Variants in C8orf34 observed in about 807,000 individuals in gnomAD.
C8orf34 encodes chromosome 8 open reading frame 34.
A neutral mutation model predicts 68.3 loss-of-function variants in C8orf34; 65 were observed. The ratio of observed to expected loss-of-function variants is 0.95; its 90% CI spans 0.78 to 1.17. C8orf34 has a LOEUF of 1.17. Among genes scored for constraint, C8orf34 ranks in the 50% most tolerant of loss-of-function variants. The pLI, the probability that C8orf34 is intolerant of heterozygous loss-of-function variation, is 0.00. For synonymous variants in C8orf34, 244 were observed against 241.2 expected, an observed-to-expected ratio of 1.01 and a Z score of -0.11; for missense variants, 664 against 655.4, an observed-to-expected ratio of 1.01 and a Z score of -0.14.
chr8:68,432,597 A>T (rs1408026352), intron 1 of C8orf34, among the ~76,000 whole-genome samples: 1 of 152,106 alleles, frequency 6.6e-6, no homozygotes, highest in Admixed American at 6.6e-5. Context: ...TGATATTTTA[A>T]ATCATTACTA....
intron 7 of C8orf34, among the ~76,000 whole-genome samples, chr8:68,609,994 G>A (rs80229419): frequency 0.01 from 1,536 of 152,278 alleles, 24 homozygotes; most frequent in African/African-American, 0.034. Context: ...GATAAGGGCT[G>A]AGGCTGAGCA....
intron 10 of C8orf34, among the ~76,000 whole-genome samples, chr8:68,745,893 C>T (rs1478196349): frequency 6.6e-6 from 1 of 152,192 alleles, no homozygotes; most frequent in Admixed American, 6.5e-5. Context: ...ACCTAATAGG[C>T]ATCTACAGAA....
chr8:68,572,209 T>C (rs981491023), intron 7 of C8orf34, among the ~76,000 whole-genome samples: 5 of 150,844 alleles, frequency 3.3e-5, no homozygotes, highest in African/African-American at 1.2e-4. Context: ...TGAAACGTTA[T>C]GTGGATGTGG....
chr8:68,760,752 G>T (rs562872147), intron 10 of C8orf34, among the ~76,000 whole-genome samples: 1 of 152,064 alleles, frequency 6.6e-6, no homozygotes, highest in Admixed American at 6.6e-5. Flanking sequence ...ATAATTTGTT[G>T]GGTTGACCCT....
intron 8 of C8orf34, among the ~76,000 whole-genome samples, chr8:68,669,432 A>G (rs1427085410): frequency 6.6e-6 from 1 of 152,196 alleles, no homozygotes; most frequent in Non-Finnish European, 1.5e-5. Context: ...TAGTAACAAC[A>G]TATTCATATG....
intron 10 of C8orf34, among the ~76,000 whole-genome samples, chr8:68,740,925 T>C (rs1219664529): frequency 6.6e-6 from 1 of 152,226 alleles, no homozygotes; most frequent in African/African-American, 2.4e-5. Context: ...TCATGTCCTT[T>C]GTGCAAACAT....
At chr8:68,636,782 C>T (rs565277287) in intron 7 of C8orf34, among the ~76,000 whole-genome samples, 1 of 152,260 alleles carries the variant, frequency 6.6e-6, no homozygotes, top group Non-Finnish European at 1.5e-5. Context: ...TCATTGCAAT[C>T]ATCTGCTGAG....
chr8:68,806,535 A>G (rs183697727), intron 12 of C8orf34, among the ~76,000 whole-genome samples: 154 of 152,194 alleles, frequency 1.0e-3, no homozygotes, highest in African/African-American at 2.7e-3. Context: ...TATTACTACT[A>G]ATAATATTTT....
chr8:68,671,001 C>G (rs1819991036), intron 8 of C8orf34, among the ~76,000 whole-genome samples: 1 of 152,180 alleles, frequency 6.6e-6, no homozygotes, highest in Admixed American at 6.5e-5. Context: ...TCCTCCCTAT[C>G]TAGCACAACT....
chr8:68,554,967 T>C (rs1440588896), intron 7 of C8orf34, among the ~76,000 whole-genome samples: 4 of 152,184 alleles, frequency 2.6e-5, no homozygotes, highest in Non-Finnish European at 4.4e-5. Context: ...TTGGTAGCTT[T>C]ACTCTGTTTA....
intron 8 of C8orf34, among the ~76,000 whole-genome samples, chr8:68,647,623 G>A (rs1819218403): frequency 6.6e-6 from 1 of 152,154 alleles, no homozygotes; most frequent in African/African-American, 2.4e-5. Context: ...CAGGCATCAG[G>A]GAGAGAGAAA....
chr8:68,622,859 A>G lies in C8orf34; in HGVS notation c.1106-17517A>G, dbSNP rs77157149. Among the ~76,000 whole-genome samples, 270 of 152,328 alleles carry G rather than the reference A, an allele frequency of 1.8e-3. 11 individuals carry two copies. In the East Asian group the frequency reaches 0.046, roughly 26 times the overall value. On this transcript the variant is annotated intron_variant, in intron 7 of 13. Transcript: ENST00000518698. Reference sequence around the variant, plus strand: ...TTTGGGGGAAGTTTTGCTATGCAAAATTCAATTTAACTGTCTCTTTCATAG... The same window carrying G: ...TTTGGGGGAAGTTTTGCTATGCAAAGTTCAATTTAACTGTCTCTTTCATAG...
intron 7 of C8orf34, among the ~76,000 whole-genome samples, chr8:68,617,924 A>G (rs1483806833): frequency 2.6e-5 from 4 of 152,078 alleles, no homozygotes; most frequent in South Asian, 4.1e-4. Flanking sequence ...AGGTACACCA[A>G]TCAGATGTAG....
At chr8:68,533,771 T>G in intron 7 of C8orf34, 2 of 966,984 alleles carry the variant, frequency 2.1e-6, no homozygotes, top group Non-Finnish European at 2.5e-6. Flanking sequence ...AATCTCTTCA[T>G]ATAAATTTTT....
At chr8:68,536,661 T>C (rs1270096618) in intron 7 of C8orf34, among the ~76,000 whole-genome samples, 2 of 152,062 alleles carry the variant, frequency 1.3e-5, no homozygotes, top group African/African-American at 4.8e-5. Context: ...GGTATTACTA[T>C]CCCATACAAT....
intron 1 of C8orf34, among the ~76,000 whole-genome samples, chr8:68,423,900 C>T (rs1480436244): frequency 1.3e-5 from 2 of 152,148 alleles, no homozygotes; most frequent in African/African-American, 2.4e-5. Context: ...GCTTTTAAAA[C>T]CATCAGATCA....
chr8:68,362,469 A>T (rs1585986280), intron 1 of C8orf34, among the ~76,000 whole-genome samples: 1 of 152,236 alleles, frequency 6.6e-6, no homozygotes, highest in African/African-American at 2.4e-5. Flanking sequence ...TCCCAGCGTG[A>T]GCGACGCAGA....
chr8:68,538,299 A>G (rs1815563831), intron 7 of C8orf34, among the ~76,000 whole-genome samples: 1 of 152,172 alleles, frequency 6.6e-6, no homozygotes, highest in Non-Finnish European at 1.5e-5. Flanking sequence ...TGGCCAAAGC[A>G]CCAGCTTATA....
chr8:68,554,632 C>T (rs971173707), intron 7 of C8orf34, among the ~76,000 whole-genome samples: 1 of 152,058 alleles, frequency 6.6e-6, no homozygotes, highest in African/African-American at 2.4e-5. Flanking sequence ...GGTTAAGCCA[C>T]CATAGTAAGT....
Sources: allele counts gnomAD v4.1 joint callset (sites outside exome capture counted in the v4.1 genomes callset), GRCh38; gene constraint gnomAD v4.1.1; transcripts MANE v1.5; gene names NCBI Gene and HGNC (gene_info 2026-07-23, HGNC 2026-07-21).